The following ABCC4 variants were observed in gnomAD, a reference collection of about 807,000 sequenced individuals.
The protein encoded by ABCC4 is ATP-binding cassette sub-family C member 4.
A neutral mutation model predicts 168.5 loss-of-function variants in ABCC4; 102 were observed. The ratio of observed to expected loss-of-function variants is 0.61; its 90% CI spans 0.52 to 0.71. The LOEUF is 0.71. ABCC4 is among the 30% of genes least tolerant of loss of function. The pLI is 0.00. For synonymous variants in ABCC4, 617 were observed against 590.7 expected (o/e 1.04, Z -0.65); for missense variants, 1,402 against 1,605.8 (o/e 0.87, Z 2.17).
At chr13:95,097,893 TTA>T (rs1403104059) in intron 20 of ABCC4, among the ~76,000 whole-genome samples, 1 of 152,006 alleles carries the variant, frequency 6.6e-6, no homozygotes, top group Non-Finnish European at 1.5e-5. Context: ...CCCAGCACTT[TTA>T]GAGGCTGAGG....
chr13:95,106,278 T>C (rs1043047972), intron 20 of ABCC4, among the ~76,000 whole-genome samples: 7 of 151,996 alleles, frequency 4.6e-5, no homozygotes, highest in African/African-American at 1.7e-4. Context: ...TCAAGCTACT[T>C]TAATTGGAAG....
chr13:95,219,001 A>AAGAAAAAAAGAG lies in ABCC4; in HGVS notation c.532-8221_532-8220insCTCTTTTTTTCT, dbSNP rs1566540111. Among the ~76,000 whole-genome samples, 52 of 115,676 alleles carry AAGAAAAAAAGAG rather than the reference A, an allele frequency of 4.5e-4. 6 individuals carry two copies. The highest frequency in any genetic ancestry group is 9.0e-4 in the East Asian group (3 of 3,348). 75.9% of individuals were successfully genotyped at this position (115,676 alleles called of 152,430 possible). A position where few individuals can be genotyped will look rare whatever the true frequency, so the allele number is the denominator to read the frequency against. On this transcript the variant is annotated intron_variant, in intron 4 of 30. Transcript: ENST00000645237. ...AGAAAGAAAGAGTGAGAAAGAAAGAAAGAGTGAGAAAGAAAGGAAGGAAGG... is the reference window on the plus strand; with the variant it reads ...AGAAAGAAAGAGTGAGAAAGAAAGAAAGAAAAAAAGAGAGAGTGAGAAAGAAAGGAAGGAAGG...
At chr13:95,037,665 T>C (rs570294735) in intron 29 of ABCC4, among the ~76,000 whole-genome samples, 1 of 152,186 alleles carries the variant, frequency 6.6e-6, no homozygotes, top group Admixed American at 6.5e-5. Context: ...AAGTAAAATA[T>C]GGGCAATGAG....
chr13:95,225,274 T>C (rs902923272), intron 4 of ABCC4, among the ~76,000 whole-genome samples: 1 of 152,078 alleles, frequency 6.6e-6, no homozygotes, highest in African/African-American at 2.4e-5. Flanking sequence ...CAAAAATTAC[T>C]GCAACTTAAC....
intron 19 of ABCC4, among the ~76,000 whole-genome samples, chr13:95,130,667 G>A (rs895223924): frequency 2.0e-5 from 3 of 152,022 alleles, no homozygotes; most frequent in Non-Finnish European, 2.9e-5. Context: ...TAACCCAATC[G>A]TCAAATCAAT....
chr13:95,139,149 G>T (rs1247063355), intron 19 of ABCC4, among the ~76,000 whole-genome samples: 1 of 152,220 alleles, frequency 6.6e-6, no homozygotes, highest in Non-Finnish European at 1.5e-5. Flanking sequence ...CCTAACTCAA[G>T]ATAAGACTCA....
At chr13:95,286,090 G>A (rs1449983785) in intron 1 of ABCC4, among the ~76,000 whole-genome samples, 1 of 137,106 alleles carries the variant, frequency 7.3e-6, no homozygotes, top group East Asian at 2.2e-4. Flanking sequence ...TTTCAGCCTT[G>A]TTGCTCTGCT....
chr13:95,272,803 G>A (rs1427043544), intron 1 of ABCC4, among the ~76,000 whole-genome samples: 4 of 152,132 alleles, frequency 2.6e-5, no homozygotes, highest in Admixed American at 1.3e-4. Flanking sequence ...CAGGGGAATC[G>A]CTTGAACCCG....
intron 20 of ABCC4, among the ~76,000 whole-genome samples, chr13:95,108,180 A>T (rs1052057837): frequency 1.6e-4 from 24 of 152,248 alleles, no homozygotes; most frequent in African/African-American, 5.5e-4. Flanking sequence ...TTAATTCTAA[A>T]GACACAGGGG....
chr13:95,278,804 C>CA (rs2041036492), intron 1 of ABCC4, among the ~76,000 whole-genome samples: 1 of 54,330 alleles, frequency 1.8e-5, no homozygotes, highest in Admixed American at 3.0e-4. Flanking sequence ...GACCCTGTCT[C>CA]GGAAAAAAAA....
At chr13:95,247,927 C>G (rs1041195725) in intron 1 of ABCC4, among the ~76,000 whole-genome samples, 174 bp from the exon 2 acceptor site, 1 of 151,744 alleles carries the variant, frequency 6.6e-6, no homozygotes, top group Non-Finnish European at 1.5e-5. Context: ...TGCACACACA[C>G]ACACACACAC....
At chr13:95,072,578 G>A (rs548979764) in intron 24 of ABCC4, among the ~76,000 whole-genome samples, 1 of 152,322 alleles carries the variant, frequency 6.6e-6, no homozygotes, top group East Asian at 1.9e-4. Flanking sequence ...TTTGCTCTAT[G>A]AGAAGAATGA....
At chr13:95,186,927 AAC>A in intron 10 of ABCC4, 35 bp from the exon 11 acceptor site, 1 of 1,562,904 alleles carries the variant, frequency 6.4e-7, no homozygotes, top group Non-Finnish European at 8.7e-7. Context: ...ATGTTCAGTC[AAC>A]ACTCGAGACA....
At chr13:95,172,691 G>A (rs1017018790) in intron 13 of ABCC4, among the ~76,000 whole-genome samples, 1 of 152,160 alleles carries the variant, frequency 6.6e-6, no homozygotes, top group African/African-American at 2.4e-5. Flanking sequence ...AGCACTTTGG[G>A]AGGTTAAGGC....
rs368891562 is a variant in ABCC4, at chr13:95,044,249, G to C, written c.3629+17C>G. The C allele has an allele frequency of 2.5e-6, 4 of 1,589,070 alleles. No individual in the cohort carries two copies. The African/African-American group carries it at 5.4e-5, about 21-fold the overall frequency. On this transcript the variant is annotated intron_variant, in intron 28 of 30. Transcript: ENST00000645237. ...TTAAAATGTGGACTCAAGGTTACAT[G>C]GACCTCAGCTTTATACCTTGGATCC...
At chr13:95,130,566 T>C (rs190068714) in intron 19 of ABCC4, among the ~76,000 whole-genome samples, 21 of 152,356 alleles carry the variant, frequency 1.4e-4, no homozygotes, top group Admixed American at 3.3e-4. Flanking sequence ...TAAGCAGTTT[T>C]ACAGTCTATC....
chr13:95,287,950 G>A (rs568759740), intron 1 of ABCC4, among the ~76,000 whole-genome samples: 4 of 151,730 alleles, frequency 2.6e-5, no homozygotes, highest in African/African-American at 7.3e-5. Flanking sequence ...GCTGAGGCAC[G>A]AGAATCACTT....
At chr13:95,226,963 G>A (rs4773853) in intron 4 of ABCC4, among the ~76,000 whole-genome samples, 116,435 of 152,164 alleles carry the variant, frequency 0.77, 45,025 homozygotes, top group Non-Finnish European at 0.84. Context: ...GTATCACATA[G>A]GAGCTTTTAA....
intron 19 of ABCC4, among the ~76,000 whole-genome samples, chr13:95,159,628 G>A (rs186784830): frequency 1.2e-4 from 19 of 152,326 alleles, no homozygotes; most frequent in Non-Finnish European, 4.4e-5. Context: ...TGTTATGACT[G>A]TAGTTTCAAA....
Sources: allele counts gnomAD v4.1 joint callset (sites outside exome capture counted in the v4.1 genomes callset), GRCh38; gene constraint gnomAD v4.1.1; transcripts MANE v1.5; gene names NCBI Gene and HGNC (gene_info 2026-07-23, HGNC 2026-07-21).